Variants in MAN1A2 observed in about 807,000 individuals in gnomAD.
MAN1A2 encodes the protein mannosidase alpha class 1A member 2, also known as mannosyl-oligosaccharide 1,2-alpha-mannosidase IB.
MAN1A2 carries 26 observed loss-of-function variants against 75.7 expected under a neutral mutation model. The ratio of observed to expected loss-of-function variants is 0.34; its 90% CI spans 0.25 to 0.48. The LOEUF (loss-of-function observed/expected upper bound fraction) is 0.48, where lower values mean the gene tolerates loss of function less well. Ranked by LOEUF, MAN1A2 falls within the 20% of genes least tolerant of loss-of-function variation. MAN1A2 has a pLI of 0.99. For missense variants in MAN1A2, 562 were observed against 775.5 expected, an observed-to-expected ratio of 0.72 and a Z score of 3.27; for synonymous variants, 247 against 264.6, an observed-to-expected ratio of 0.93 and a Z score of 0.65.
At chr1:117,424,042 A>AT (rs1324783394) in intron 5 of MAN1A2, among the ~76,000 whole-genome samples, 2 of 151,698 alleles carry the variant, frequency 1.3e-5, no homozygotes, top group Non-Finnish European at 2.9e-5. Flanking sequence ...TTACCCTGTG[A>AT]TTTTTCTAAC....
At chr1:117,371,816 AT>A (rs1367896139) in intron 1 of MAN1A2, among the ~76,000 whole-genome samples, 2 of 149,780 alleles carry the variant, frequency 1.3e-5, no homozygotes, top group East Asian at 4.0e-4. Flanking sequence ...TAAAGTCTGG[AT>A]TTCTGATCTT....
intron 5 of MAN1A2, among the ~76,000 whole-genome samples, chr1:117,421,503 G>A (rs943452178): frequency 6.6e-6 from 1 of 151,040 alleles, no homozygotes; most frequent in African/African-American, 2.4e-5. Flanking sequence ...TCCTATGTCT[G>A]TGTTATTACA....
chr1:117,460,107 A>G (rs1649769348), intron 6 of MAN1A2, among the ~76,000 whole-genome samples: 1 of 151,760 alleles, frequency 6.6e-6, no homozygotes, highest in African/African-American at 2.4e-5. Context: ...ATGAACTGAT[A>G]TGGAAAGACC....
chr1:117,526,880 C>CTCTATATATATATATATATATATATATA lies in MAN1A2; in HGVS notation c.*3924_*3925insCTATATATATATATATATATATATATAT. 1 of 54,522 alleles carries CTCTATATATATATATATATATATATATA rather than the reference C, an allele frequency of 1.8e-5. No individual in the cohort carries two copies. The highest frequency in any genetic ancestry group is 8.2e-5 in the African/African-American group (1 of 12,264). The allele number at this position is 54,522 out of a possible 1,614,324, so 3.4% of individuals were successfully genotyped here. On this transcript the variant is annotated 3_prime_UTR_variant, in exon 13 of 13. Coordinates refer to ENST00000356554, the MANE Select transcript of MAN1A2 (RefSeq NM_006699.5). Reference sequence around the variant, plus strand: ...TCTCTCTCTCTCTCTCTCTCTCTCTCTATATATATATATATATATATATAT... The same window carrying CTCTATATATATATATATATATATATATA: ...TCTCTCTCTCTCTCTCTCTCTCTCTCTCTATATATATATATATATATATATATATATATATATATATATATATATATAT...
At chr1:117,481,136 A>T (rs1297400816) in intron 8 of MAN1A2, among the ~76,000 whole-genome samples, 1 of 151,772 alleles carries the variant, frequency 6.6e-6, no homozygotes, top group Non-Finnish European at 1.5e-5. Flanking sequence ...TCTGGATCCT[A>T]TCTTCTCTCA....
At chr1:117,473,920 A>G (rs1478297401) in intron 8 of MAN1A2, among the ~76,000 whole-genome samples, 1 of 152,010 alleles carries the variant, frequency 6.6e-6, no homozygotes, top group Non-Finnish European at 1.5e-5. Flanking sequence ...AAGACAAATA[A>G]CAAATATCTT....
intron 6 of MAN1A2, among the ~76,000 whole-genome samples, chr1:117,447,312 TATA>T (rs1231303497): frequency 6.6e-6 from 1 of 152,160 alleles, no homozygotes; most frequent in South Asian, 2.1e-4. Flanking sequence ...AGCTTCATAA[TATA>T]ATGCTTATGA....
At chr1:117,473,636 C>T (rs1650228360) in intron 8 of MAN1A2, among the ~76,000 whole-genome samples, 1 of 151,980 alleles carries the variant, frequency 6.6e-6, no homozygotes, top group African/African-American at 2.4e-5. Context: ...ACTTCACCAC[C>T]ACAGAGCTAT....
At chr1:117,396,273 AC>A in intron 1 of MAN1A2, among the ~76,000 whole-genome samples, 1 of 152,274 alleles carries the variant, frequency 6.6e-6, no homozygotes, top group South Asian at 2.1e-4. Flanking sequence ...TATGGCCAGC[AC>A]CCATAATAAA....
At chr1:117,461,180 T>C (rs1649806520) in intron 7 of MAN1A2, among the ~76,000 whole-genome samples, 1 of 152,090 alleles carries the variant, frequency 6.6e-6, no homozygotes, top group Non-Finnish European at 1.5e-5. Context: ...TACAAATAAA[T>C]CTAACAAAAG....
At chr1:117,379,703 C>T (rs1653269078) in intron 1 of MAN1A2, among the ~76,000 whole-genome samples, 1 of 152,122 alleles carries the variant, frequency 6.6e-6, no homozygotes, top group African/African-American at 2.4e-5. Context: ...ACATGCTCTC[C>T]ATATTTCACA....
chr1:117,386,145 G>T (rs1429278612), intron 1 of MAN1A2, among the ~76,000 whole-genome samples: 1 of 152,214 alleles, frequency 6.6e-6, no homozygotes, highest in South Asian at 2.1e-4. Flanking sequence ...ATTCCTGAAT[G>T]TTTTGGCAGC....
chr1:117,405,738 T>A, intron 3 of MAN1A2, 93 bp downstream of exon 3: 1 of 794,442 alleles, frequency 1.3e-6, no homozygotes. Context: ...AAAATCTGAG[T>A]ATTTCTGTGG....
chr1:117,443,624 G>C (rs1003482606), intron 6 of MAN1A2, among the ~76,000 whole-genome samples: 16 of 152,214 alleles, frequency 1.1e-4, no homozygotes, highest in East Asian at 3.9e-4. Context: ...TCTAATTTAA[G>C]ATTGAGATTA....
chr1:117,403,555 G>T lies in MAN1A2; in HGVS notation c.558+1114G>T, dbSNP rs183845265. On this transcript the variant is annotated intron_variant, in intron 2 of 12. Coordinates refer to ENST00000356554, the MANE Select transcript of MAN1A2 (RefSeq NM_006699.5). ...CAGGGGACCCCCAGATGATCCTCAG[G>T]TTCAGTGACTCACCAGAAGTACCCA... Among the ~76,000 whole-genome samples the T allele has an allele frequency of 1.5e-4, 23 of 152,232 alleles. No homozygotes were observed. The East Asian group carries it at 4.4e-3, about 29-fold the overall frequency.
chr1:117,373,878 C>T (rs901404322), intron 1 of MAN1A2, among the ~76,000 whole-genome samples: 2 of 151,580 alleles, frequency 1.3e-5, no homozygotes, highest in South Asian at 2.1e-4. Context: ...AGCTAAGTAT[C>T]TTCTAGAAAT....
rs1470407341 is a variant in MAN1A2, at chr1:117,496,049, T to C, written c.1285-714T>C. On this transcript the variant is annotated intron_variant, in intron 9 of 12. Coordinates refer to ENST00000356554, the MANE Select transcript of MAN1A2 (RefSeq NM_006699.5). ...AGTTCTGTTAAACTCACATTATTAT[T>C]ATGGAGAATACAGAGTAAAATTTTC... is the stretch of plus-strand genomic sequence containing the variant. Among the ~76,000 whole-genome samples, 7 of 152,022 alleles carry C rather than the reference T, an allele frequency of 4.6e-5. No individual in the cohort carries two copies. The Middle Eastern group carries it at 0.014, about 295-fold the overall frequency.
intron 6 of MAN1A2, among the ~76,000 whole-genome samples, chr1:117,456,489 A>C (rs1649584988): frequency 6.6e-6 from 1 of 152,018 alleles, no homozygotes; most frequent in South Asian, 2.1e-4. Context: ...TAATTCTGCT[A>C]TAAACCTATT....
In MAN1A2 at chr1:117,368,157, A is replaced by G. The variant is rs764845677; in HGVS notation, c.-27A>G. On this transcript the variant is annotated 5_prime_UTR_variant, in exon 1 of 13. The change abolishes the stop of an existing upstream ORF in the 5' untranslated region. Transcript: ENST00000356554. ...ATTTGACATAAGATGAGAACTTTCT[A>G]AAGTATTCTCTCCAAGAGCGTAAAC... 3.2e-6 allele frequency: 5 copies of G among 1,565,750 alleles called. No individual in the cohort carries two copies. The highest frequency in any genetic ancestry group is 2.0e-5 in the Admixed American group (1 of 49,910).
Sources: gnomAD v4.1 joint callset for allele counts (sites outside exome capture counted in the v4.1 genomes callset) on GRCh38, gnomAD v4.1.1 for gene constraint, MANE v1.5 for transcripts, NCBI Gene and HGNC (gene_info 2026-07-23, HGNC 2026-07-21) for gene names.